Variants in GNAL observed in about 807,000 individuals in gnomAD.
GNAL encodes G protein subunit alpha L.
A neutral mutation model predicts 55.1 loss-of-function variants in GNAL; 18 were observed. The ratio of observed to expected loss-of-function variants is 0.33; its 90% confidence interval spans 0.23 to 0.48. The LOEUF is 0.48. Among genes scored for constraint, GNAL ranks in the 20% least tolerant of loss-of-function variants. The pLI, the probability that GNAL is intolerant of heterozygous loss-of-function variation, is 0.99. For synonymous variants in GNAL, 253 were observed against 237.0 expected (o/e 1.07, Z -0.62); for missense variants, 412 against 614.1 (o/e 0.67, Z 3.48).
intron 4 of GNAL, among the ~76,000 whole-genome samples, chr18:11,756,080 A>G (rs1482288354): frequency 6.6e-6 from 1 of 152,184 alleles, no homozygotes; most frequent in Non-Finnish European, 1.5e-5. Flanking sequence ...TAAAATTAAG[A>G]TTTATTAATC....
Position 11,829,293 on chromosome 18 carries a change from C to T in GNAL, c.722+4278C>T, listed in dbSNP as rs1279423098. On this transcript the variant is annotated intron_variant, in intron 5 of 11. Transcript: ENST00000334049. Reference sequence around the variant, plus strand: ...TAATTGTAACTTCTCCCGTTTAGCTCGTTTCACCCATTTTAATACATACAG... The same window carrying T: ...TAATTGTAACTTCTCCCGTTTAGCTTGTTTCACCCATTTTAATACATACAG... Among the ~76,000 whole-genome samples, 5 of 152,044 alleles carry T rather than the reference C, an allele frequency of 3.3e-5. No individual in the cohort carries two copies. The South Asian group carries it at 6.2e-4, about 19-fold the overall frequency.
intron 4 of GNAL, among the ~76,000 whole-genome samples, chr18:11,822,071 G>A (rs1485511054): frequency 2.0e-5 from 3 of 152,226 alleles, no homozygotes; most frequent in East Asian, 1.9e-4. Flanking sequence ...CGTGCAGAGC[G>A]GCGGATGCGT....
chr18:11,797,806 T>C (rs1419843386), intron 4 of GNAL, among the ~76,000 whole-genome samples: 5 of 152,004 alleles, frequency 3.3e-5, no homozygotes, highest in African/African-American at 9.7e-5. Flanking sequence ...CTGATATGCA[T>C]TCTTTTTTTT....
chr18:11,839,103 T>A (rs1252092677), intron 5 of GNAL, among the ~76,000 whole-genome samples: 1 of 152,238 alleles, frequency 6.6e-6, no homozygotes, highest in Non-Finnish European at 1.5e-5. Context: ...CTAACTGACA[T>A]GAAATTATTG....
chr18:11,860,557 C>G (rs1169641478), intron 5 of GNAL, among the ~76,000 whole-genome samples: 1 of 152,090 alleles, frequency 6.6e-6, no homozygotes, highest in African/African-American at 2.4e-5. Context: ...TTTTTACATG[C>G]ACACGGGAAC....
At chr18:11,865,476 A>G (rs1305760722) in intron 7 of GNAL, among the ~76,000 whole-genome samples, 1 of 148,976 alleles carries the variant, frequency 6.7e-6, no homozygotes, top group Non-Finnish European at 1.5e-5. Flanking sequence ...CAGGCCAGGC[A>G]TAGTGATTCA....
chr18:11,824,843 T>G, intron 4 of GNAL, 75 bp from the exon 5 acceptor site: 1 of 812,924 alleles, frequency 1.2e-6, no homozygotes, highest in Non-Finnish European at 2.0e-6. Context: ...GTTTTTGCAG[T>G]TTCTTTTTCC....
chr18:11,808,168 T>A (rs986906196), intron 4 of GNAL, among the ~76,000 whole-genome samples: 1 of 151,080 alleles, frequency 6.6e-6, no homozygotes, highest in Non-Finnish European at 1.5e-5. Flanking sequence ...CTGCAGGGAG[T>A]GGAAGGAATC....
intron 1 of GNAL, among the ~76,000 whole-genome samples, chr18:11,691,637 A>G (rs1274169148): frequency 3.3e-5 from 5 of 151,828 alleles, no homozygotes; most frequent in African/African-American, 1.2e-4. Flanking sequence ...TAATTTTTGT[A>G]TAAGGTGTAA....
At chr18:11,846,936 C>T (rs966727804) in intron 5 of GNAL, among the ~76,000 whole-genome samples, 2 of 151,912 alleles carry the variant, frequency 1.3e-5, no homozygotes, top group African/African-American at 4.8e-5. Context: ...TTAATTCTAG[C>T]TGTGTTCCCA....
At chr18:11,728,912 C>A (rs1432766890) in intron 1 of GNAL, among the ~76,000 whole-genome samples, 2 of 152,096 alleles carry the variant, frequency 1.3e-5, no homozygotes, top group African/African-American at 4.8e-5. Context: ...AAGGCTGACT[C>A]CTCTTGGGAG....
chr18:11,794,784 AG>A (rs1232811739), intron 4 of GNAL, among the ~76,000 whole-genome samples: 2 of 147,550 alleles, frequency 1.4e-5, no homozygotes. Flanking sequence ...AAAAAAAAAA[AG>A]GACAGGCCAG....
chr18:11,788,914 A>AAAAATAT (rs60071996), intron 4 of GNAL, among the ~76,000 whole-genome samples: 11 of 56,296 alleles, frequency 2.0e-4, no homozygotes, highest in African/African-American at 1.1e-3. Context: ...AAAAAAAAAA[A>AAAAATAT]ATATATATAT....
At chr18:11,760,590 G>A (rs961469346) in intron 4 of GNAL, among the ~76,000 whole-genome samples, 1 of 152,162 alleles carries the variant, frequency 6.6e-6, no homozygotes, top group Non-Finnish European at 1.5e-5. Flanking sequence ...AGGTCTCACT[G>A]CCCCTCTGCT....
chr18:11,711,557 T>G (rs1266578025), intron 1 of GNAL, among the ~76,000 whole-genome samples: 1 of 152,226 alleles, frequency 6.6e-6, no homozygotes, highest in Non-Finnish European at 1.5e-5. Flanking sequence ...TTGTGTTTTG[T>G]TCTCTGTTTT....
rs959863211 is a variant in GNAL at position 11,881,816 on chromosome 18, CTTT to C, written c.*682_*684del. 3 of 152,550 alleles carry C rather than the reference CTTT, an allele frequency of 2.0e-5. No individual in the cohort carries two copies. Among genetic ancestry groups the C allele is most frequent in the African/African-American group, 7.2e-5 (3 of 41,456 alleles). 9.4% of individuals were successfully genotyped at this position (152,550 alleles called of 1,614,324 possible). A position where few individuals can be genotyped will look rare whatever the true frequency, so the allele number is the denominator to read the frequency against. On this transcript the variant is annotated 3_prime_UTR_variant, in exon 12 of 12. Transcript: ENST00000334049. The surrounding 1 kb of genome is among the most constrained non-coding windows in gnomAD (Gnocchi z 4.8). ...GGCATAGTCTTCTTTCTTAGATTCT[CTTT>C]GTTGTTGTCCCTATTGCTGGTTTAT... is the stretch of plus-strand genomic sequence containing the variant.
Position 11,792,988 on chromosome 18 carries a change from A to G in GNAL, c.625-31930A>G, listed in dbSNP as rs1190906317. 7.9e-5 allele frequency among the ~76,000 whole-genome samples: 12 copies of G among 152,312 alleles called. No individual in the cohort carries two copies. In the East Asian group the frequency reaches 2.3e-3, roughly 29 times the overall value. On this transcript the variant is annotated intron_variant, in intron 4 of 11. Coordinates refer to ENST00000334049, the MANE Select transcript of GNAL (RefSeq NM_182978.4). The stretch of plus-strand genomic sequence containing the variant: ...ATCTAGATTGAACTAATTCTAAGAG[A>G]CATATATAACTTTACTCCATATGCA...
intron 10 of GNAL, among the ~76,000 whole-genome samples, chr18:11,872,999 G>C (rs932188195): frequency 3.9e-5 from 6 of 152,210 alleles, no homozygotes; most frequent in African/African-American, 1.2e-4. Flanking sequence ...ACCTGAGACT[G>C]AGGGGTTTCC....
At chr18:11,805,956 A>C (rs929594809) in intron 4 of GNAL, among the ~76,000 whole-genome samples, 2 of 152,192 alleles carry the variant, frequency 1.3e-5, no homozygotes, top group East Asian at 3.9e-4. Context: ...GCTAATTTAC[A>C]TTCTTAAGAA....
Sources: allele counts gnomAD v4.1 joint callset (sites outside exome capture counted in the v4.1 genomes callset), GRCh38; gene constraint gnomAD v4.1.1; non-coding constraint Gnocchi (gnomAD v3.1); transcripts MANE v1.5; gene names NCBI Gene and HGNC (gene_info 2026-07-23, HGNC 2026-07-21).